Variants in SGK3 observed in about 807,000 individuals in gnomAD.
SGK3 encodes serine/threonine-protein kinase Sgk3.
A neutral mutation model predicts 68.5 loss-of-function variants in SGK3; 47 were observed. The ratio of observed to expected loss-of-function variants is 0.69; its 90% CI spans 0.54 to 0.87. The LOEUF is 0.87. Ranked by LOEUF, SGK3 falls within the 40% of genes least tolerant of loss-of-function variation. The pLI, the probability that SGK3 is intolerant of heterozygous loss-of-function variation, is 0.00. For synonymous variants in SGK3, 181 were observed against 189.1 expected, an observed-to-expected ratio of 0.96 and a Z score of 0.35; for missense variants, 479 against 575.5, an observed-to-expected ratio of 0.83 and a Z score of 1.72.
At chr8:66,758,841 A>G (rs761965606) in intron 1 of SGK3, among the ~76,000 whole-genome samples, 48 of 151,962 alleles carry the variant, frequency 3.2e-4, no homozygotes, top group Admixed American at 1.2e-3. Flanking sequence ...TTTATGCTCA[A>G]TTACATTAAC....
intron 1 of SGK3, among the ~76,000 whole-genome samples, chr8:66,718,014 T>C (rs1048935880): frequency 6.6e-6 from 1 of 151,018 alleles, no homozygotes; most frequent in Non-Finnish European, 1.5e-5. Flanking sequence ...TCTAGTTATT[T>C]ACCTCCCTAT....
chr8:66,781,690 A>G (rs938362182), intron 1 of SGK3, among the ~76,000 whole-genome samples: 4 of 152,200 alleles, frequency 2.6e-5, no homozygotes, highest in Non-Finnish European at 5.9e-5. Context: ...CTCTTCTTCA[A>G]TATTGTTTTA....
chr8:66,808,510 G>A (rs1808251290), intron 4 of SGK3, among the ~76,000 whole-genome samples: 1 of 149,616 alleles, frequency 6.7e-6, no homozygotes, highest in Admixed American at 6.7e-5. Context: ...TAAAAATCCT[G>A]TAATTTTTTT....
At chr8:66,815,335 A>G (rs745915375) in intron 5 of SGK3, among the ~76,000 whole-genome samples, 37 of 152,250 alleles carry the variant, frequency 2.4e-4, no homozygotes, top group Non-Finnish European at 4.6e-4. Context: ...TCACACCAGC[A>G]TTAGACAGTG....
chr8:66,727,148 A>T (rs1805009409), intron 1 of SGK3, among the ~76,000 whole-genome samples: 1 of 151,848 alleles, frequency 6.6e-6, no homozygotes, highest in South Asian at 2.1e-4. Context: ...GTTGCCCAGG[A>T]TGGAGTGCAG....
intron 1 of SGK3, among the ~76,000 whole-genome samples, chr8:66,743,793 G>A (rs1220409492): frequency 2.0e-5 from 3 of 152,242 alleles, no homozygotes; most frequent in Admixed American, 6.5e-5. Flanking sequence ...GATTACAGGC[G>A]TGAGCTACCG....
chr8:66,752,444 G>T (rs1010292268), intron 1 of SGK3, among the ~76,000 whole-genome samples: 2 of 152,132 alleles, frequency 1.3e-5, no homozygotes, highest in Non-Finnish European at 2.9e-5. Flanking sequence ...GAATTATTAT[G>T]TAGGATGATA....
At chr8:66,749,013 G>A (rs562664676) in intron 1 of SGK3, among the ~76,000 whole-genome samples, 5 of 152,176 alleles carry the variant, frequency 3.3e-5, no homozygotes, top group Non-Finnish European at 7.4e-5. Context: ...TCCCATCTCA[G>A]CCGCTTGAGT....
At chr8:66,762,897 A>G (rs979572418) in intron 1 of SGK3, among the ~76,000 whole-genome samples, 3 of 152,262 alleles carry the variant, frequency 2.0e-5, no homozygotes, top group African/African-American at 7.2e-5. Context: ...AGTTAGAGCT[A>G]GAAACTTAAT....
intron 15 of SGK3, among the ~76,000 whole-genome samples, chr8:66,850,351 A>G (rs2130746997): frequency 6.6e-6 from 1 of 152,172 alleles, no homozygotes; most frequent in Admixed American, 6.5e-5. Context: ...GGTAATACCA[A>G]CCCTGAGTGG....
chr8:66,741,254 A>T (rs949643417), intron 1 of SGK3, among the ~76,000 whole-genome samples: 1 of 152,122 alleles, frequency 6.6e-6, no homozygotes, highest in African/African-American at 2.4e-5. Context: ...ATAGACTTTA[A>T]AATTATATGT....
chr8:66,836,677 A>G (rs1205016993), intron 10 of SGK3, among the ~76,000 whole-genome samples: 1 of 151,414 alleles, frequency 6.6e-6, no homozygotes, highest in Admixed American at 6.6e-5. Flanking sequence ...TGTTTTGGAA[A>G]TGTTTCATGT....
intron 16 of SGK3, 49 bp from the exon 17 acceptor site, chr8:66,859,362 T>A (rs1296224564): frequency 6.7e-7 from 1 of 1,486,180 alleles, no homozygotes. Flanking sequence ...AGGATTAAAT[T>A]AATGAAAGAA....
chr8:66,760,449 C>T (rs1806130022), intron 1 of SGK3, among the ~76,000 whole-genome samples: 1 of 151,302 alleles, frequency 6.6e-6, no homozygotes, highest in Admixed American at 6.6e-5. Context: ...ATTCTCCTAC[C>T]TCAGCCTCCT....
At chr8:66,787,587 A>G (rs369731078) in intron 1 of SGK3, among the ~76,000 whole-genome samples, 21 of 152,238 alleles carry the variant, frequency 1.4e-4, no homozygotes, top group Admixed American at 7.8e-4. Flanking sequence ...TTGAGTCTCT[A>G]TATAGCCTCC....
chr8:66,851,172 A>G (rs533218360), intron 16 of SGK3, among the ~76,000 whole-genome samples: 8 of 152,288 alleles, frequency 5.3e-5, no homozygotes, highest in Non-Finnish European at 8.8e-5. Context: ...AGCATGTATA[A>G]GAAAAGAATG....
At chr8:66,830,441 A>T (rs571224528) in intron 7 of SGK3, among the ~76,000 whole-genome samples, 6 of 152,162 alleles carry the variant, frequency 3.9e-5, no homozygotes, top group African/African-American at 1.4e-4. Flanking sequence ...TCATGTTTGA[A>T]TTAACGATTT....
At chr8:66,819,787 G>C (rs184253366) in intron 5 of SGK3, among the ~76,000 whole-genome samples, 5 of 148,980 alleles carry the variant, frequency 3.4e-5, no homozygotes, top group East Asian at 3.9e-4. Flanking sequence ...AGTAGTTTTT[G>C]TTTTTTTTGT....
intron 5 of SGK3, among the ~76,000 whole-genome samples, chr8:66,819,708 C>G (rs945548651): frequency 2.0e-5 from 3 of 152,110 alleles, no homozygotes; most frequent in African/African-American, 7.2e-5. Flanking sequence ...ATCCCCACCC[C>G]TACATTTTAT....
Sources: allele counts gnomAD v4.1 joint callset (sites outside exome capture counted in the v4.1 genomes callset), GRCh38; gene constraint gnomAD v4.1.1; transcripts MANE v1.5; gene names NCBI Gene and HGNC (gene_info 2026-07-23, HGNC 2026-07-21).